The following GTF2E2 variants were observed in gnomAD, a reference collection of about 807,000 sequenced individuals.
GTF2E2 encodes the protein transcription initiation factor IIE subunit beta.
In GTF2E2, 21 loss-of-function variants were observed where a neutral mutation model predicts 40.5. The ratio of observed to expected loss-of-function variants is 0.52; its 90% CI spans 0.37 to 0.75. The LOEUF (loss-of-function observed/expected upper bound fraction) is 0.75. Ranked by LOEUF, GTF2E2 falls within the 30% of genes least tolerant of loss-of-function variation. The pLI is 0.00. For missense variants in GTF2E2, 298 were observed against 338.4 expected, an observed-to-expected ratio of 0.88 and a Z score of 0.94; for synonymous variants, 117 against 121.6, an observed-to-expected ratio of 0.96 and a Z score of 0.25.
At chr8:30,606,118 T>C (rs1829310140) in intron 6 of GTF2E2, among the ~76,000 whole-genome samples, 2 of 152,248 alleles carry the variant, frequency 1.3e-5, no homozygotes, top group African/African-American at 2.4e-5. Flanking sequence ...CACTACATAC[T>C]TGCTTTGTTA....
At chr8:30,589,210 C>T (rs1310194892) in intron 6 of GTF2E2, among the ~76,000 whole-genome samples, 1 of 152,238 alleles carries the variant, frequency 6.6e-6, no homozygotes, top group African/African-American at 2.4e-5. Context: ...TAACCAAGAT[C>T]GCACTACTGC....
chr8:30,595,906 T>G (rs1828990159), intron 6 of GTF2E2, among the ~76,000 whole-genome samples: 1 of 152,068 alleles, frequency 6.6e-6, no homozygotes, highest in Non-Finnish European at 1.5e-5. Flanking sequence ...AAGAAAAGAT[T>G]ATTTTTGCTG....
At position 30,598,430 on chromosome 8, in the gene GTF2E2, T is replaced by C. The variant is rs189711686; in HGVS notation, c.643+8627A>G. Among the ~76,000 whole-genome samples, 477 of 152,346 alleles carry C rather than the reference T, an allele frequency of 3.1e-3. 6 individuals are homozygous for C. The highest frequency in any genetic ancestry group is 0.01 in the African/African-American group (433 of 41,594). On this transcript the variant is annotated intron_variant, in intron 6 of 7. Transcript: ENST00000355904. ...AACACTATAAATTTTCATGGCACAA[T>C]AGAACTGAAAGTACACTTTAAAATT... is the stretch of plus-strand genomic sequence containing the variant.
intron 3 of GTF2E2, among the ~76,000 whole-genome samples, chr8:30,618,355 C>T (rs1800985948): frequency 1.3e-5 from 2 of 151,912 alleles, no homozygotes; most frequent in African/African-American, 4.8e-5. Flanking sequence ...AGTAAAGTGG[C>T]TCCTTCATCA....
At chr8:30,590,969 G>A (rs1271724238) in intron 6 of GTF2E2, among the ~76,000 whole-genome samples, 1 of 152,164 alleles carries the variant, frequency 6.6e-6, no homozygotes, top group Non-Finnish European at 1.5e-5. Context: ...GGGATTACAG[G>A]TGTGAGCCAC....
chr8:30,591,907 G>A (rs952112414), intron 6 of GTF2E2, among the ~76,000 whole-genome samples: 3 of 152,170 alleles, frequency 2.0e-5, no homozygotes, highest in Middle Eastern at 3.4e-3. Context: ...AAAAGTGTAT[G>A]GCCATACAAT....
chr8:30,639,776 T>G (rs1162935414), intron 2 of GTF2E2, among the ~76,000 whole-genome samples: 1 of 152,076 alleles, frequency 6.6e-6, no homozygotes, highest in East Asian at 1.9e-4. Flanking sequence ...TGTTTTTTTT[T>G]TCTTCATAAT....
At chr8:30,636,844 T>G (rs1420932990) in intron 2 of GTF2E2, 1 of 329,476 alleles carries the variant, frequency 3.0e-6, no homozygotes, top group African/African-American at 2.3e-5. Context: ...AGAGTGAGAC[T>G]CCGTCTCAAA....
chr8:30,601,542 CA>C (rs918062594), intron 6 of GTF2E2, among the ~76,000 whole-genome samples: 10 of 150,482 alleles, frequency 6.6e-5, no homozygotes, highest in African/African-American at 2.0e-4. Context: ...CTCCCCACAC[CA>C]AAAAAAAACT....
intron 2 of GTF2E2, among the ~76,000 whole-genome samples, chr8:30,648,289 C>A (rs1034232295): frequency 6.6e-6 from 1 of 152,172 alleles, no homozygotes; most frequent in Non-Finnish European, 1.5e-5. Context: ...GAGGCAGGCA[C>A]GCAGGCTGCA....
At chr8:30,579,637 A>G (rs1187406920) in intron 7 of GTF2E2, among the ~76,000 whole-genome samples, 1 of 152,144 alleles carries the variant, frequency 6.6e-6, no homozygotes, top group Non-Finnish European at 1.5e-5. Context: ...AGAAAGACAC[A>G]GGTGACAAGC....
chr8:30,642,096 T>C (rs1801857448), intron 2 of GTF2E2, among the ~76,000 whole-genome samples: 2 of 152,202 alleles, frequency 1.3e-5, no homozygotes, highest in Non-Finnish European at 1.5e-5. Context: ...AATAGATACA[T>C]AAACAACAGG....
chr8:30,634,193 A>C (rs1219995052), intron 3 of GTF2E2, among the ~76,000 whole-genome samples: 1 of 152,240 alleles, frequency 6.6e-6, no homozygotes, highest in East Asian at 1.9e-4. Flanking sequence ...CATGCCTGAA[A>C]GCCAAACACT....
chr8:30,642,621 GTCTT>G (rs1384709081), intron 2 of GTF2E2, among the ~76,000 whole-genome samples: 1 of 150,112 alleles, frequency 6.7e-6, no homozygotes, highest in Non-Finnish European at 1.5e-5. Flanking sequence ...TTTCTTGTAG[GTCTT>G]TCTAAGATTT....
intron 2 of GTF2E2, chr8:30,645,177 G>T (rs1271071794): frequency 2.0e-6 from 2 of 1,003,582 alleles, no homozygotes; most frequent in Non-Finnish European, 1.4e-6. Flanking sequence ...AATTAAGGAA[G>T]ATTCATGTTG....
At chr8:30,654,354 TAAATA>T (rs1802389011) in intron 1 of GTF2E2, among the ~76,000 whole-genome samples, 1 of 152,274 alleles carries the variant, frequency 6.6e-6, no homozygotes, top group East Asian at 1.9e-4. Flanking sequence ...TATACTGGGT[TAAATA>T]AAATGTTAAA....
At chr8:30,653,369 A>T in intron 2 of GTF2E2, 64 bp downstream of exon 2, 5 of 1,274,662 alleles carry the variant, frequency 3.9e-6, no homozygotes, top group Non-Finnish European at 5.6e-6. Flanking sequence ...ACTAGCCATA[A>T]CTAAACGGTT....
intron 6 of GTF2E2, among the ~76,000 whole-genome samples, chr8:30,582,275 T>C (rs2979522): frequency 0.81 from 123,664 of 152,228 alleles, 50,922 homozygotes; most frequent in African/African-American, 0.93. Context: ...CCATCTGCCT[T>C]GGCCTCCCGA....
At chr8:30,599,434 C>G (rs1459194827) in intron 6 of GTF2E2, among the ~76,000 whole-genome samples, 1 of 151,988 alleles carries the variant, frequency 6.6e-6, no homozygotes, top group Non-Finnish European at 1.5e-5. Context: ...AAAAAATTAG[C>G]CAGGCATGGT....
Sources: allele counts gnomAD v4.1 joint callset (sites outside exome capture counted in the v4.1 genomes callset), GRCh38; gene constraint gnomAD v4.1.1; transcripts MANE v1.5; gene names NCBI Gene and HGNC (gene_info 2026-07-23, HGNC 2026-07-21).